Variants in CCDC85C observed in about 807,000 individuals in gnomAD.
CCDC85C encodes coiled-coil domain containing 85C.
In CCDC85C, 18 loss-of-function variants were observed where a neutral mutation model predicts 38.3. The ratio of observed to expected loss-of-function variants is 0.47; its 90% CI spans 0.33 to 0.70. The LOEUF (loss-of-function observed/expected upper bound fraction) is 0.70, where lower values mean the gene tolerates loss of function less well. CCDC85C is among the 30% of genes least tolerant of loss of function. The probability of loss-of-function intolerance (pLI) is 0.03; values close to 1 mark genes in which losing one functional copy is unlikely to be tolerated. For synonymous variants in CCDC85C, 264 were observed against 293.8 expected (o/e 0.90, Z 1.04); for missense variants, 566 against 621.2 (o/e 0.91, Z 0.94).
At chr14:99,596,598 C>T (rs1221558808) in intron 1 of CCDC85C, among the ~76,000 whole-genome samples, 7 of 152,230 alleles carry the variant, frequency 4.6e-5, no homozygotes, top group African/African-American at 1.4e-4. Flanking sequence ...GAACCCTCTG[C>T]CTGTGAGGAC....
In CCDC85C at chr14:99,515,012, G is replaced by T; in HGVS notation, c.*234C>A. ...AGGCGTCCGGGCCGCTCTGCTGCAGGAACAGTCGCAGCGTCTCGTCTTCCC... is the reference window on the plus strand; with the variant it reads ...AGGCGTCCGGGCCGCTCTGCTGCAGTAACAGTCGCAGCGTCTCGTCTTCCC... On this transcript the variant is annotated 3_prime_UTR_variant, in exon 6 of 6. Transcript: ENST00000380243. The T allele has an allele frequency of 2.1e-6, 1 of 473,588 alleles. No individual in the cohort carries two copies. Among genetic ancestry groups the T allele is most frequent in the Non-Finnish European group, 3.9e-6 (1 of 259,676 alleles). 29.3% of individuals were successfully genotyped at this position (473,588 alleles called of 1,614,324 possible). A position where few individuals can be genotyped will look rare whatever the true frequency, so the allele number is the denominator to read the frequency against.
At chr14:99,580,189 C>T in intron 1 of CCDC85C, 1 of 450,396 alleles carries the variant, frequency 2.2e-6, no homozygotes, top group East Asian at 7.0e-5. Flanking sequence ...GGCTGGGTGG[C>T]TCAGGTGTGG....
intron 1 of CCDC85C, among the ~76,000 whole-genome samples, chr14:99,597,872 G>A (rs1162970479): frequency 6.6e-6 from 1 of 152,246 alleles, no homozygotes; most frequent in East Asian, 1.9e-4. Context: ...CAAATCCGCA[G>A]AGGCCAGGAA....
chr14:99,522,391 C>G, intron 2 of CCDC85C, 151 bp from the exon 3 acceptor site: 1 of 564,532 alleles, frequency 1.8e-6, no homozygotes, highest in Admixed American at 3.1e-5. Context: ...TTATCCATCC[C>G]CCGAGCCGGG....
chr14:99,548,353 T>G lies in CCDC85C; in HGVS notation c.794-12265A>C, dbSNP rs1897844883. On this transcript the variant is annotated intron_variant, in intron 1 of 5. Transcript: ENST00000380243. This position sits in a 1 kb window ranked among gnomAD's most constrained non-coding sequence, Gnocchi z 4.9. The stretch of plus-strand genomic sequence containing the variant: ...AGGAAACCCAATTCCGACAATGAGA[T>G]GCCACTGGATTGGCGGAGAGTAAAA... 6.6e-6 allele frequency among the ~76,000 whole-genome samples: 1 copy of G among 152,174 alleles called. No individual in the cohort carries two copies. The highest frequency in any genetic ancestry group is 1.5e-5 in the Non-Finnish European group (1 of 68,018).
chr14:99,516,568 C>T lies in CCDC85C; in HGVS notation c.1072-282G>A, dbSNP rs2139896007. Among the ~76,000 whole-genome samples the T allele has an allele frequency of 6.6e-6, 1 of 152,252 alleles. No homozygotes were observed. The highest frequency in any genetic ancestry group is 1.9e-4 in the East Asian group (1 of 5,182). The stretch of plus-strand genomic sequence containing the variant: ...CCTCAGACAGGTGGACTCACTGCAA[C>T]CCAGGGCCCGCTGGAGATGAGTGGG... On this transcript the variant is annotated intron_variant, in intron 4 of 5. Coordinates refer to ENST00000380243, the MANE Select transcript of CCDC85C (RefSeq NM_001144995.2). The surrounding 1 kb of genome is among the most constrained non-coding windows in gnomAD (Gnocchi z 5.5).
rs1595332900 is a variant in CCDC85C, at chr14:99,511,936, G to A, written c.*3310C>T. 1 of 152,276 alleles carries A rather than the reference G, an allele frequency of 6.6e-6. No individual in the cohort carries two copies. Among genetic ancestry groups the A allele is most frequent in the Non-Finnish European group, 1.5e-5 (1 of 68,038 alleles). 9.4% of individuals were successfully genotyped at this position (152,276 alleles called of 1,614,324 possible). A position where few individuals can be genotyped will look rare whatever the true frequency, so the allele number is the denominator to read the frequency against. Reference sequence around the variant, plus strand: ...CGGCTCTGTCTGTGGAAGGGGCCCCGACTGAGCCCCCATCTGCGGTGCTTG... The same window carrying A: ...CGGCTCTGTCTGTGGAAGGGGCCCCAACTGAGCCCCCATCTGCGGTGCTTG... On this transcript the variant is annotated 3_prime_UTR_variant, in exon 6 of 6. Transcript: ENST00000380243.
At chr14:99,543,684 C>G (rs1398106360) in intron 1 of CCDC85C, among the ~76,000 whole-genome samples, 1 of 152,152 alleles carries the variant, frequency 6.6e-6, no homozygotes, top group African/African-American at 2.4e-5. Context: ...AGAGCCACAA[C>G]AGGTCCAGGT....
chr14:99,535,846 G>C lies in CCDC85C; in HGVS notation c.867+169C>G, dbSNP rs1357299153. On this transcript the variant is annotated intron_variant, in intron 2 of 5. Transcript: ENST00000380243. The surrounding 1 kb of genome is among the most constrained non-coding windows in gnomAD (Gnocchi z 5.5). ...GTTGGGCAGAGGGAAGCCCAGAGGT[G>C]TGGGAGCCAGGGTTAGGTCCCTGAC... 6.6e-6 allele frequency among the ~76,000 whole-genome samples: 1 copy of C among 152,192 alleles called. No individual in the cohort carries two copies. The highest frequency in any genetic ancestry group is 1.5e-5 in the Non-Finnish European group (1 of 68,032).
In CCDC85C at chr14:99,510,521, C is replaced by A; in HGVS notation, c.*4725G>T. ...CTGTGCCTCCTCCCCCAGCCTCCTT[C>A]CCCCCACCTGCCATCCCACCCCCTA... On this transcript the variant is annotated 3_prime_UTR_variant, in exon 6 of 6. Coordinates refer to ENST00000380243, the MANE Select transcript of CCDC85C (RefSeq NM_001144995.2). 1.8e-6 allele frequency: 1 copy of A among 566,122 alleles called. No homozygotes were observed. The highest frequency in any genetic ancestry group is 2.8e-6 in the Non-Finnish European group (1 of 358,450). 35.1% of individuals were successfully genotyped at this position (566,122 alleles called of 1,614,324 possible). A position where few individuals can be genotyped will look rare whatever the true frequency, so the allele number is the denominator to read the frequency against.
chr14:99,517,861 G>T (rs1428863321), intron 3 of CCDC85C, among the ~76,000 whole-genome samples: 4 of 152,238 alleles, frequency 2.6e-5, no homozygotes, highest in Non-Finnish European at 5.9e-5. Context: ...TTCTGCCTCG[G>T]GCTGCAGTGG....
chr14:99,522,278 C>T, intron 2 of CCDC85C, 38 bp from the exon 3 acceptor site: 2 of 1,472,574 alleles, frequency 1.4e-6, no homozygotes, highest in East Asian at 2.5e-5. Flanking sequence ...GACGGAGGGC[C>T]AGGCTGAGGA....
intron 1 of CCDC85C, among the ~76,000 whole-genome samples, chr14:99,577,620 G>A (rs1036847458): frequency 6.6e-6 from 1 of 152,088 alleles, no homozygotes; most frequent in Non-Finnish European, 1.5e-5. Context: ...GTGTGTCTGC[G>A]AGTGCATGTG....
At chr14:99,541,967 G>A (rs1168085820) in intron 1 of CCDC85C, among the ~76,000 whole-genome samples, 5 of 152,158 alleles carry the variant, frequency 3.3e-5, no homozygotes, top group Admixed American at 3.3e-4. Context: ...AAGGCCCTAC[G>A]GCATGGCTTC....
chr14:99,540,422 C>T (rs892180012), intron 1 of CCDC85C, among the ~76,000 whole-genome samples: 7 of 152,174 alleles, frequency 4.6e-5, no homozygotes, highest in Admixed American at 3.9e-4. Context: ...GCCGGCTCCC[C>T]GGGAGGACTG....
intron 3 of CCDC85C, among the ~76,000 whole-genome samples, chr14:99,518,566 C>T (rs1007598023): frequency 1.3e-5 from 2 of 152,142 alleles, no homozygotes; most frequent in East Asian, 1.9e-4. Context: ...CCTGGGGCAA[C>T]GCAAGGCGGC....
At chr14:99,598,161 C>T (rs1442357512) in intron 1 of CCDC85C, among the ~76,000 whole-genome samples, 2 of 152,184 alleles carry the variant, frequency 1.3e-5, no homozygotes, top group African/African-American at 4.8e-5. Flanking sequence ...AGAGGCTACA[C>T]GTATCACTCA....
rs905870054 is a variant in CCDC85C at position 99,512,329 on chromosome 14, G to A, written c.*2917C>T. 4.0e-5 allele frequency: 6 copies of A among 151,664 alleles called. No individual in the cohort carries two copies. The highest frequency in any genetic ancestry group is 1.2e-4 in the African/African-American group (5 of 41,224). The allele number at this position is 151,664 out of a possible 1,614,324, so 9.4% of individuals were successfully genotyped here. ...CTGCCGGGCCCGGGGACAGAAACCA[G>A]ACGTTCCAGTCCATCTCCAAAAAGC... On this transcript the variant is annotated 3_prime_UTR_variant, in exon 6 of 6. Coordinates refer to ENST00000380243, the MANE Select transcript of CCDC85C (RefSeq NM_001144995.2).
chr14:99,581,890 G>A (rs772678852), intron 1 of CCDC85C, among the ~76,000 whole-genome samples: 1 of 152,186 alleles, frequency 6.6e-6, no homozygotes, highest in Non-Finnish European at 1.5e-5. Context: ...TCCCATGACT[G>A]ACCATTACCG....
Sources: allele counts gnomAD v4.1 joint callset (sites outside exome capture counted in the v4.1 genomes callset), GRCh38; gene constraint gnomAD v4.1.1; non-coding constraint Gnocchi (gnomAD v3.1); transcripts MANE v1.5; gene names NCBI Gene and HGNC (gene_info 2026-07-23, HGNC 2026-07-21).